ATG13: variants seen among roughly 807,000 people sequenced by gnomAD.
ATG13 encodes the protein autophagy-related protein 13.
A neutral mutation model predicts 65.5 loss-of-function variants in ATG13; 23 were observed. The observed-to-expected ratio is 0.35, with a 90% confidence interval of 0.25 to 0.50. ATG13 has a LOEUF of 0.50. Ranked by LOEUF, ATG13 falls within the 20% of genes least tolerant of loss-of-function variation. ATG13 has a pLI of 0.98. For synonymous variants in ATG13, 252 were observed against 245.2 expected (o/e 1.03, Z -0.26); for missense variants, 566 against 677.0 (o/e 0.84, Z 1.82).
chr11:46,667,147 G>A (rs1179657929), intron 14 of ATG13, among the ~76,000 whole-genome samples: 1 of 152,156 alleles, frequency 6.6e-6, no homozygotes, highest in Non-Finnish European at 1.5e-5. Context: ...CATAGTACAG[G>A]TCCTCCCTGC....
At chr11:46,648,777 T>TA (rs540301936) in intron 5 of ATG13, 3,963 of 118,770 alleles carry the variant, frequency 0.033, 131 homozygotes, top group East Asian at 0.09. Context: ...ACTCTGTCTT[T>TA]AAAAAAAAAA....
chr11:46,656,176 T>TA, intron 7 of ATG13, 57 bp from the exon 8 acceptor site: 1 of 1,512,736 alleles, frequency 6.6e-7, no homozygotes, highest in East Asian at 2.3e-5. Context: ...GTTTTGGCTA[T>TA]AGAGGCCCTT....
chr11:46,658,638 C>G lies in ATG13; in HGVS notation c.696-754C>G, dbSNP rs117292501. On this transcript the variant is annotated intron_variant, in intron 10 of 18. Coordinates refer to ENST00000683050, the MANE Select transcript of ATG13 (RefSeq NM_001346311.2). ...GCAGCCTTCACCTCTTGGGTTCAAA[C>G]AGTTCTCCTGCCTGAGCCTCCCGAG... 0.013 allele frequency among the ~76,000 whole-genome samples: 1,898 copies of G among 151,168 alleles called. 80 individuals carry two copies. In the South Asian group the frequency reaches 0.15, roughly 12 times the overall value.
intron 1 of ATG13, among the ~76,000 whole-genome samples, chr11:46,625,592 G>T (rs1437619932): frequency 2.0e-5 from 3 of 152,118 alleles, no homozygotes; most frequent in African/African-American, 7.2e-5. Flanking sequence ...CAGAGTGATT[G>T]CCCATCCCCC....
chr11:46,662,011 T>G (rs1477915029), intron 11 of ATG13, among the ~76,000 whole-genome samples: 2 of 152,110 alleles, frequency 1.3e-5, no homozygotes, highest in Non-Finnish European at 1.5e-5. Flanking sequence ...GTTTGAGAAT[T>G]GTCATTCCCC....
At chr11:46,629,539 G>A (rs891647367) in intron 1 of ATG13, among the ~76,000 whole-genome samples, 2 of 151,960 alleles carry the variant, frequency 1.3e-5, no homozygotes, top group Non-Finnish European at 2.9e-5. Flanking sequence ...TGGGATTCCA[G>A]GAGCCCGCCA....
At chr11:46,642,595 G>A (rs762192901) in intron 2 of ATG13, among the ~76,000 whole-genome samples, 2 of 152,088 alleles carry the variant, frequency 1.3e-5, no homozygotes, top group East Asian at 1.9e-4. Context: ...GTGAGCCACC[G>A]TGCCTGGCCT....
Position 46,617,887 on chromosome 11 carries a change from G to T in ATG13, c.-73G>T. The T allele has an allele frequency of 2.5e-6, 1 of 399,118 alleles. No homozygotes were observed. The highest frequency in any genetic ancestry group is 4.4e-6 in the Non-Finnish European group (1 of 226,108). 24.7% of individuals were successfully genotyped at this position (399,118 alleles called of 1,614,324 possible). ...GAACCACTCTTTGTGCCGCAGCTTC[G>T]CAGGTACTAACTTTTGCGGGGGATA... On this transcript the variant is annotated 5_prime_UTR_variant, in exon 1 of 19. Coordinates refer to ENST00000683050, the MANE Select transcript of ATG13 (RefSeq NM_001346311.2).
chr11:46,639,383 T>C (rs2055106987), intron 2 of ATG13, among the ~76,000 whole-genome samples: 1 of 152,186 alleles, frequency 6.6e-6, no homozygotes, highest in African/African-American at 2.4e-5. Flanking sequence ...ATTGTTGGCT[T>C]CCTGGACTAG....
intron 13 of ATG13, 92 bp from the exon 14 acceptor site, chr11:46,665,291 A>T: frequency 6.8e-7 from 1 of 1,477,224 alleles, no homozygotes; most frequent in Non-Finnish European, 9.2e-7. Context: ...GTGATGGAAA[A>T]GTCAAAAGCA....
At chr11:46,662,680 C>T (rs1377049626) in intron 11 of ATG13, among the ~76,000 whole-genome samples, 1 of 152,194 alleles carries the variant, frequency 6.6e-6, no homozygotes, top group African/African-American at 2.4e-5. Context: ...TTTCTCTTGG[C>T]AGTAGAGAGA....
rs1030943028 is a variant in ATG13 at position 46,672,689 on chromosome 11, G to C, written c.*357G>C. On this transcript the variant is annotated 3_prime_UTR_variant, in exon 19 of 19. Coordinates refer to ENST00000683050, the MANE Select transcript of ATG13 (RefSeq NM_001346311.2). ...GCCTCCTGCCTGGGCCTGCCTTGCA[G>C]CTGGCCCCTTCCCTGCCTGCTGTCA... 7.3e-7 allele frequency: 1 copy of C among 1,368,562 alleles called. No homozygotes were observed. The highest frequency in any genetic ancestry group is 9.7e-7 in the Non-Finnish European group (1 of 1,033,852). The allele number at this position is 1,368,562 out of a possible 1,614,324, so 84.8% of individuals were successfully genotyped here. A position where few individuals can be genotyped will look rare whatever the true frequency, so the allele number is the denominator to read the frequency against.
intron 1 of ATG13, among the ~76,000 whole-genome samples, chr11:46,627,866 T>C (rs914505724): frequency 1.3e-5 from 2 of 151,914 alleles, no homozygotes; most frequent in Non-Finnish European, 2.9e-5. Context: ...GAGGATTGCT[T>C]GAGCCCAGGA....
At position 46,649,124 on chromosome 11, in the gene ATG13, G is replaced by T; in HGVS notation, c.271-13G>T. 1 of 1,604,120 alleles carries T rather than the reference G, an allele frequency of 6.2e-7. No individual in the cohort carries two copies. The highest frequency in any genetic ancestry group is 8.5e-7 in the Non-Finnish European group (1 of 1,175,734). On this transcript the variant is annotated splice_polypyrimidine_tract_variant and intron_variant, in intron 5 of 18. Transcript: ENST00000683050. ...TTTTTTAAACAAATATTTTAAATTT[G>T]TCCTTTCTACAGGGAGATTCCATGG... is the stretch of plus-strand genomic sequence containing the variant.
intron 7 of ATG13, among the ~76,000 whole-genome samples, chr11:46,650,852 C>A (rs1389098974): frequency 6.6e-6 from 1 of 152,166 alleles, no homozygotes; most frequent in African/African-American, 2.4e-5. Context: ...GATCTGCCTG[C>A]CTCAGCCTCC....
At chr11:46,641,763 T>TA (rs1013523457) in intron 2 of ATG13, among the ~76,000 whole-genome samples, 2 of 151,148 alleles carry the variant, frequency 1.3e-5, no homozygotes, top group Non-Finnish European at 3.0e-5. Flanking sequence ...ATACCTGATT[T>TA]TTTTTTTTTT....
chr11:46,641,108 C>T (rs1170291075), intron 2 of ATG13, among the ~76,000 whole-genome samples: 2 of 152,122 alleles, frequency 1.3e-5, no homozygotes, highest in South Asian at 4.1e-4. Context: ...AGTCTTGCTC[C>T]ATTGCCCAGG....
intron 6 of ATG13, 25 bp downstream of exon 6, chr11:46,649,208 T>C (rs1171512786): frequency 6.2e-7 from 1 of 1,605,232 alleles, no homozygotes; most frequent in Non-Finnish European, 8.5e-7. Flanking sequence ...TTAGGGTCCT[T>C]GGTTGTGGTT....
In ATG13 at chr11:46,645,324, T is replaced by G. The variant is rs1278957636; in HGVS notation, c.70-15T>G. The G allele has an allele frequency of 3.8e-6, 6 of 1,594,234 alleles. No individual in the cohort carries two copies. The highest frequency in any genetic ancestry group is 5.1e-6 in the Non-Finnish European group (6 of 1,173,828). On this transcript the variant is annotated splice_polypyrimidine_tract_variant and intron_variant, in intron 3 of 18. Transcript: ENST00000683050. ...CATCATTTTAGGATTTCTTTTGTGT[T>G]TTTTTTTTCTTTAGACTGTCCAAGT...
Sources: gnomAD v4.1 joint callset for allele counts (sites outside exome capture counted in the v4.1 genomes callset) on GRCh38, gnomAD v4.1.1 for gene constraint, MANE v1.5 for transcripts, NCBI Gene and HGNC (gene_info 2026-07-23, HGNC 2026-07-21) for gene names.